The following DPP6 variants were observed in gnomAD, a reference collection of about 807,000 sequenced individuals.
The protein encoded by DPP6 is dipeptidyl peptidase like 6.
A neutral mutation model predicts 122.6 loss-of-function variants in DPP6; 69 were observed. The observed-to-expected ratio is 0.56, with a 90% CI of 0.46 to 0.69. The LOEUF is 0.69. Ranked by LOEUF, DPP6 falls within the 30% of genes least tolerant of loss-of-function variation. The pLI is 0.00. For missense variants in DPP6, 928 were observed against 1,116.9 expected (o/e 0.83, Z 2.41); for synonymous variants, 418 against 433.1 (o/e 0.97, Z 0.43).
chr7:153,942,641 C>CAGATGTACATCTGCT (rs1801750112), intron 1 of DPP6, among the ~76,000 whole-genome samples: 1 of 152,192 alleles, frequency 6.6e-6, no homozygotes, highest in Non-Finnish European at 1.5e-5. Flanking sequence ...CCAGGCTGCT[C>CAGATGTACATCTGCT]AGATGTACAT....
rs181077894 is a variant in DPP6 at position 154,521,433 on chromosome 7, C to T, written c.458-19099C>T. On this transcript the variant is annotated intron_variant, in intron 3 of 25. Coordinates refer to ENST00000377770, the MANE Select transcript of DPP6 (RefSeq NM_130797.4). The stretch of plus-strand genomic sequence containing the variant: ...ATATTAAATACAGAAAGAGGGCCTT[C>T]GTTGTTTCAGTGGGGTTTCAGTGTA... Among the ~76,000 whole-genome samples the T allele has an allele frequency of 5.9e-3, 891 of 150,628 alleles. 9 individuals carry two copies. Among genetic ancestry groups the T allele is most frequent in the African/African-American group, 0.02 (828 of 40,986 alleles).
intron 1 of DPP6, among the ~76,000 whole-genome samples, chr7:154,275,862 G>A (rs1339686736): frequency 6.6e-6 from 1 of 152,122 alleles, no homozygotes; most frequent in East Asian, 1.9e-4. Flanking sequence ...GATATCCATG[G>A]CCATTCTCAC....
At chr7:154,253,835 C>G (rs779166968) in intron 1 of DPP6, among the ~76,000 whole-genome samples, 13 of 152,166 alleles carry the variant, frequency 8.5e-5, no homozygotes, top group Non-Finnish European at 1.8e-4. Flanking sequence ...ACAGGCTTAA[C>G]AGGAAGCATG....
At chr7:153,900,670 C>A (rs1799607284) in intron 1 of DPP6, among the ~76,000 whole-genome samples, 1 of 152,140 alleles carries the variant, frequency 6.6e-6, no homozygotes. Context: ...GACCCAAATA[C>A]CTCTCAGTAG....
intron 1 of DPP6, among the ~76,000 whole-genome samples, chr7:153,958,937 C>CCCTGCTTGTAGTAATAATCTTTA: frequency 1.3e-5 from 2 of 152,092 alleles, no homozygotes; most frequent in South Asian, 4.1e-4. Context: ...TTCCCACACC[C>CCCTGCTTGTAGTAATAATCTTTA]CCTGCTTGTA....
intron 1 of DPP6, among the ~76,000 whole-genome samples, chr7:154,239,093 A>C (rs1352808814): frequency 6.6e-6 from 1 of 152,234 alleles, no homozygotes; most frequent in Non-Finnish European, 1.5e-5. Flanking sequence ...AGCAAGCTCC[A>C]CAAGAATGTT....
chr7:153,820,469 AG>A, the DPP6 span, among the ~76,000 whole-genome samples: 1 of 152,238 alleles, frequency 6.6e-6, no homozygotes, highest in South Asian at 2.1e-4. Context: ...TCAAGAACCC[AG>A]GTCCCTCCAC....
intron 5 of DPP6, among the ~76,000 whole-genome samples, chr7:154,630,055 C>G (rs1054538277): frequency 1.3e-5 from 2 of 152,158 alleles, no homozygotes; most frequent in Non-Finnish European, 2.9e-5. Flanking sequence ...ACCCTTAGCC[C>G]TGTATTACAC....
rs916793154 is a variant in DPP6, at chr7:154,395,923, C to T, written c.244-50291C>T. 7.1e-5 allele frequency among the ~76,000 whole-genome samples: 10 copies of T among 140,594 alleles called. No homozygotes were observed. In the East Asian group the frequency reaches 2.2e-3, roughly 31 times the overall value. The allele number at this position is 140,594 out of a possible 152,430, so 92.2% of individuals were successfully genotyped here. On this transcript the variant is annotated intron_variant, in intron 1 of 25. Coordinates refer to ENST00000377770, the MANE Select transcript of DPP6 (RefSeq NM_130797.4). ...GGATTTTATTTATTTTGAGGTAGTT[C>T]TCTTCTATTTCTAATTTCTTGAGTT...
rs575335449 is a variant in DPP6 at position 154,709,027 on chromosome 7, G to A, written c.763-18740G>A. 8.7e-5 allele frequency among the ~76,000 whole-genome samples: 13 copies of A among 149,052 alleles called. No individual in the cohort carries two copies. The East Asian group carries it at 1.0e-3, about 11-fold the overall frequency. Reference sequence around the variant, plus strand: ...CATGCCACTGCAGTCCAGCCTCACCGACAGAGCAAGACTCTGTCTCAAAAA... The same window carrying A: ...CATGCCACTGCAGTCCAGCCTCACCAACAGAGCAAGACTCTGTCTCAAAAA... On this transcript the variant is annotated intron_variant, in intron 7 of 25. Transcript: ENST00000377770.
intron 1 of DPP6, among the ~76,000 whole-genome samples, chr7:154,223,234 C>T (rs1031335842): frequency 6.7e-6 from 1 of 149,344 alleles, no homozygotes; most frequent in Non-Finnish European, 1.5e-5. Flanking sequence ...AGAAGCTCAG[C>T]ACCAGGGTGC....
chr7:154,363,937 CA>C (rs1811942008), intron 1 of DPP6, among the ~76,000 whole-genome samples: 1 of 151,986 alleles, frequency 6.6e-6, no homozygotes, highest in Non-Finnish European at 1.5e-5. Flanking sequence ...TAGCTGTCTT[CA>C]AAAAACAAAA....
chr7:154,234,386 A>G (rs1403597810), intron 1 of DPP6, among the ~76,000 whole-genome samples: 1 of 152,168 alleles, frequency 6.6e-6, no homozygotes, highest in African/African-American at 2.4e-5. Flanking sequence ...AATTCCAAGG[A>G]CAACTGGCCT....
the DPP6 span, among the ~76,000 whole-genome samples, chr7:153,752,843 A>G: frequency 6.7e-6 from 1 of 148,536 alleles, no homozygotes; most frequent in Non-Finnish European, 1.5e-5. Context: ...AAAAAATCAC[A>G]CAAGTAGAAA....
chr7:154,845,140 C>G lies in DPP6; in HGVS notation c.1667-8640C>G, dbSNP rs145005333. On this transcript the variant is annotated intron_variant, in intron 16 of 25. Transcript: ENST00000377770. ...GCTTGGGAGGTCATTCATTCATTAA[C>G]CATTAATCTGTTCGTCAAACATTTT... is the stretch of plus-strand genomic sequence containing the variant. Among the ~76,000 whole-genome samples, 122 of 152,310 alleles carry G rather than the reference C, an allele frequency of 8.0e-4. 1 individual carries two copies. Among genetic ancestry groups the G allele is most frequent in the African/African-American group, 2.9e-3 (120 of 41,558 alleles).
intron 1 of DPP6, among the ~76,000 whole-genome samples, chr7:153,893,930 C>T (rs1202347271): frequency 6.6e-6 from 1 of 152,134 alleles, no homozygotes; most frequent in Non-Finnish European, 1.5e-5. Context: ...GTAGGTAAAG[C>T]TAGAGTCACT....
intron 1 of DPP6, among the ~76,000 whole-genome samples, chr7:154,107,860 A>G (rs1216730465): frequency 6.6e-6 from 1 of 152,136 alleles, no homozygotes; most frequent in African/African-American, 2.4e-5. Context: ...ATGCCTGGTG[A>G]CATCTCAGAC....
At chr7:153,869,926 A>C in the DPP6 span, among the ~76,000 whole-genome samples, 1 of 152,170 alleles carries the variant, frequency 6.6e-6, no homozygotes, top group African/African-American at 2.4e-5. Context: ...GTTTGGCTGG[A>C]TATGAAATTC....
rs149815143 is a variant in DPP6 at position 154,699,160 on chromosome 7, C to T, written c.763-28607C>T. ...TCTGCTCCAAATACCTGGGATGATC[C>T]GGGAGACTTAGCCAGGAACATCTGA... On this transcript the variant is annotated intron_variant, in intron 7 of 25. Coordinates refer to ENST00000377770, the MANE Select transcript of DPP6 (RefSeq NM_130797.4). Among the ~76,000 whole-genome samples, 218 of 152,216 alleles carry T rather than the reference C, an allele frequency of 1.4e-3. 1 individual carries two copies. Among genetic ancestry groups the T allele is most frequent in the African/African-American group, 4.5e-3 (185 of 41,516 alleles).
Sources: allele counts gnomAD v4.1 joint callset (sites outside exome capture counted in the v4.1 genomes callset), GRCh38; gene constraint gnomAD v4.1.1; transcripts MANE v1.5; gene names NCBI Gene and HGNC (gene_info 2026-07-23, HGNC 2026-07-21).